DZIP1: variants seen among roughly 807,000 people sequenced by gnomAD.
DZIP1 encodes the protein DAZ interacting zinc finger protein 1, also known as cilium assembly protein DZIP1.
A neutral mutation model predicts 107.6 loss-of-function variants in DZIP1; 97 were observed. That is an observed-to-expected ratio of 0.90 (90% CI 0.77 to 1.07). DZIP1 has a LOEUF of 1.07. DZIP1 is among the 50% of genes least tolerant of loss of function. The pLI is 0.00. For missense variants in DZIP1, 1,035 were observed against 1,063.6 expected (o/e 0.97, Z 0.37); for synonymous variants, 390 against 386.4 (o/e 1.01, Z -0.11).
intron 5 of DZIP1, among the ~76,000 whole-genome samples, chr13:95,636,108 A>T (rs1029935425): frequency 6.6e-6 from 1 of 152,116 alleles, no homozygotes; most frequent in East Asian, 1.9e-4. Flanking sequence ...ATCTATTCAC[A>T]TCACAGAACA....
intron 5 of DZIP1, among the ~76,000 whole-genome samples, chr13:95,635,258 G>A (rs557969389): frequency 1.4e-4 from 20 of 143,544 alleles, no homozygotes; most frequent in African/African-American, 2.6e-4. Context: ...GTACAGTGGC[G>A]TAATCATGGC....
intron 14 of DZIP1, among the ~76,000 whole-genome samples, chr13:95,601,885 C>G (rs577460554): frequency 9.2e-5 from 14 of 152,268 alleles, no homozygotes; most frequent in African/African-American, 2.9e-4. Flanking sequence ...CCAACTCCAC[C>G]AAACCGCTGG....
rs1163809349 is a variant in DZIP1 at position 95,635,221 on chromosome 13, G to A, written c.598-1900C>T. 2.3e-5 allele frequency among the ~76,000 whole-genome samples: 3 copies of A among 131,004 alleles called. 1 individual carries two copies. In the South Asian group the frequency reaches 7.1e-4, roughly 31 times the overall value. 85.9% of individuals were successfully genotyped at this position (131,004 alleles called of 152,430 possible). A position where few individuals can be genotyped will look rare whatever the true frequency, so the allele number is the denominator to read the frequency against. ...TCCTTTTTTTTTTTTTTTTTTTTAA[G>A]TGTCTCCCTCTGTCACCCAGGCTGG... On this transcript the variant is annotated intron_variant, in intron 5 of 22. Transcript: ENST00000376829.
chr13:95,622,743 A>ATTTT (rs5805944), intron 8 of DZIP1, among the ~76,000 whole-genome samples: 2 of 140,864 alleles, frequency 1.4e-5, no homozygotes, highest in Non-Finnish European at 3.1e-5. Context: ...AACGAGTCTA[A>ATTTT]TTTTTTTTTT....
chr13:95,639,355 C>A (rs1878202968), intron 5 of DZIP1, among the ~76,000 whole-genome samples: 1 of 152,072 alleles, frequency 6.6e-6, no homozygotes, highest in African/African-American at 2.4e-5. Context: ...TTTTGGGAGG[C>A]TGAGGTGGGT....
At chr13:95,628,832 GGCAA>G (rs1876860185) in intron 7 of DZIP1, among the ~76,000 whole-genome samples, 1 of 152,118 alleles carries the variant, frequency 6.6e-6, no homozygotes, top group African/African-American at 2.4e-5. Flanking sequence ...ATCTAGAGCA[GGCAA>G]AATCACAGAG....
intron 22 of DZIP1, among the ~76,000 whole-genome samples, chr13:95,582,996 T>C (rs751476441): frequency 1.3e-5 from 2 of 152,166 alleles, no homozygotes; most frequent in African/African-American, 2.4e-5. Flanking sequence ...ATGCCAGTTA[T>C]GCAACAGCTA....
At chr13:95,587,767 G>A in intron 19 of DZIP1, 38 bp from the exon 20 acceptor site, 5 of 1,589,232 alleles carry the variant, frequency 3.1e-6, no homozygotes, top group Non-Finnish European at 4.3e-6. Flanking sequence ...CGCTGTTTTC[G>A]TAACGCTTTA....
At chr13:95,593,370 G>C (rs988590455) in intron 16 of DZIP1, among the ~76,000 whole-genome samples, 78 of 152,258 alleles carry the variant, frequency 5.1e-4, no homozygotes, top group Middle Eastern at 3.4e-3. Context: ...TGCATATGTA[G>C]ATGCACTTTT....
In DZIP1 at chr13:95,641,580, C is replaced by A. The variant is rs773937127; in HGVS notation, c.312G>T (p.Glu104Asp). ...MNITFCKLED[E>D]KCPHCQSGVD... ...CCCCCGACTGGCAGTGTGGGCACTT[C>A]TCGTCTTCCAGCTTGCAGAAGGTGA... Residue 104 changes from glutamate to aspartate, a missense_variant, in exon 5 of 23, where the codon GAG becomes GAT. Coordinates refer to ENST00000376829, the MANE Select transcript of DZIP1 (RefSeq NM_198968.4). The surrounding 1 kb of genome is among the most constrained non-coding windows in gnomAD (Gnocchi z 4.3). 1.9e-6 allele frequency: 3 copies of A among 1,613,670 alleles called. No individual in the cohort carries two copies. Among genetic ancestry groups the A allele is most frequent in the Non-Finnish European group, 2.5e-6 (3 of 1,180,042 alleles).
At position 95,586,086 on chromosome 13, in the gene DZIP1, G is replaced by T. The variant is rs746739193; in HGVS notation, c.2269C>A (p.Arg757Ser). The T allele has an allele frequency of 1.2e-6, 2 of 1,611,584 alleles. No homozygotes were observed. The highest frequency in any genetic ancestry group is 1.7e-5 in the Admixed American group (1 of 59,620). Residue 757 changes from arginine to serine, a missense_variant, in exon 21 of 23, where the codon CGC (arginine) becomes AGC (serine). Transcript: ENST00000376829. ...CCGACTGGTTTGTTCACATTTTTGCGATGTGGAAACATCTTTTCAACTTTT... is the reference window on the plus strand; with the variant it reads ...CCGACTGGTTTGTTCACATTTTTGCTATGTGGAAACATCTTTTCAACTTTT... ...TEKVEKMFPHRKNVNKPVGGT... is the reference protein window; with the variant it reads ...TEKVEKMFPHSKNVNKPVGGT...
intron 20 of DZIP1, 79 bp downstream of exon 20, chr13:95,587,460 T>C: frequency 6.5e-7 from 1 of 1,541,518 alleles, no homozygotes; most frequent in South Asian, 1.3e-5. Context: ...CAGCTCAGAC[T>C]CCCAGTGCTC....
At chr13:95,605,273 C>T (rs74109013) in intron 14 of DZIP1, among the ~76,000 whole-genome samples, 2,755 of 152,262 alleles carry the variant, frequency 0.018, 81 homozygotes, top group African/African-American at 0.062. Flanking sequence ...TCCAGAGCAA[C>T]TGTATGTGAG....
At chr13:95,611,598 A>T in intron 11 of DZIP1, 105 bp from the exon 12 acceptor site, 2 of 980,386 alleles carry the variant, frequency 2.0e-6, no homozygotes, top group Admixed American at 4.0e-5. Context: ...CTTTTCACTA[A>T]ATTATCCAGG....
intron 9 of DZIP1, 23 bp from the exon 10 acceptor site, chr13:95,619,970 T>A: frequency 1.2e-6 from 2 of 1,612,062 alleles, no homozygotes; most frequent in Non-Finnish European, 1.7e-6. Flanking sequence ...AAAAGAATAA[T>A]TTATGTACAA....
chr13:95,635,393 C>G (rs1877681004), intron 5 of DZIP1, among the ~76,000 whole-genome samples: 1 of 152,038 alleles, frequency 6.6e-6, no homozygotes, highest in Admixed American at 6.5e-5. Context: ...GATGGAGTTT[C>G]ACCATGTTGG....
chr13:95,593,502 A>G (rs901205286), intron 16 of DZIP1, among the ~76,000 whole-genome samples: 4 of 152,250 alleles, frequency 2.6e-5, no homozygotes, highest in Non-Finnish European at 5.9e-5. Flanking sequence ...TCTGGCAACA[A>G]TATGAAATCC....
At chr13:95,616,684 G>A (rs1875118645) in intron 10 of DZIP1, among the ~76,000 whole-genome samples, 1 of 152,164 alleles carries the variant, frequency 6.6e-6, no homozygotes, top group South Asian at 2.1e-4. Context: ...AGAGGCAATG[G>A]GGTAGGCAGG....
chr13:95,589,800 C>G lies in DZIP1; in HGVS notation c.1973+3G>C. The G allele has an allele frequency of 6.2e-7, 1 of 1,611,360 alleles. No homozygotes were observed. Among genetic ancestry groups the G allele is most frequent in the Non-Finnish European group, 8.5e-7 (1 of 1,179,076 alleles). Reference sequence around the variant, plus strand: ...AAATAAATCTGAGGGCTGAAATACTCACTTTGGAACAGATGTCCTATCAGT... The same window carrying G: ...AAATAAATCTGAGGGCTGAAATACTGACTTTGGAACAGATGTCCTATCAGT... On this transcript the variant is annotated splice_donor_region_variant and intron_variant, in intron 18 of 22. Transcript: ENST00000376829.
Sources: gnomAD v4.1 joint callset for allele counts (sites outside exome capture counted in the v4.1 genomes callset) on GRCh38, gnomAD v4.1.1 for gene constraint, Gnocchi (gnomAD v3.1) non-coding constraint, MANE v1.5 for transcripts, NCBI Gene and HGNC (gene_info 2026-07-23, HGNC 2026-07-21) for gene names.